Variants in ACBD5 observed in about 807,000 individuals in gnomAD.
ACBD5 encodes the protein acyl-CoA binding domain containing 5, also known as acyl-CoA-binding domain-containing protein 5.
Under a neutral mutation model 71.8 loss-of-function variants are expected in ACBD5, and 40 were observed. The observed-to-expected ratio is 0.56, with a 90% confidence interval of 0.43 to 0.72. The LOEUF (loss-of-function observed/expected upper bound fraction) is 0.72. Among genes scored for constraint, ACBD5 ranks in the 30% least tolerant of loss-of-function variants. The probability of loss-of-function intolerance (pLI) is 0.00; values close to 1 mark genes in which losing one functional copy is unlikely to be tolerated. For missense variants in ACBD5, 559 were observed against 644.5 expected (o/e 0.87, Z 1.44); for synonymous variants, 229 against 218.6 (o/e 1.05, Z -0.42).
At chr10:27,210,258 A>T (rs1254823013) in intron 9 of ACBD5, among the ~76,000 whole-genome samples, 1 of 152,236 alleles carries the variant, frequency 6.6e-6, no homozygotes, top group East Asian at 1.9e-4. Context: ...CCACTGCAGC[A>T]GAATTCCCAT....
intron 5 of ACBD5, 89 bp from the exon 6 acceptor site, chr10:27,219,946 A>T: frequency 8.4e-7 from 1 of 1,186,740 alleles, no homozygotes; most frequent in Non-Finnish European, 1.2e-6. Flanking sequence ...TTTACAAATA[A>T]CTAATAAAAT....
rs757986015 is a variant in ACBD5, at chr10:27,186,427, A to G, written c.1494-3712T>C. The G allele has an allele frequency of 5.0e-6, 8 of 1,614,192 alleles. No homozygotes were observed. In the Admixed American group the frequency reaches 1.2e-4, roughly 24 times the overall value. ...AGTGATGTGGACTGGGAAAATCTGC[A>G]GCATCAGACTATGCCTTTCATCCCC... On this transcript the variant is annotated intron_variant, in intron 13 of 13. Transcript: ENST00000676511.
At position 27,208,323 on chromosome 10, in the gene ACBD5, C is replaced by T. The variant is rs1056013477; in HGVS notation, c.1327G>A (p.Val443Met). 16 of 1,614,056 alleles carry T rather than the reference C, an allele frequency of 9.9e-6. No homozygotes were observed. The highest frequency in any genetic ancestry group is 3.3e-5 in the Admixed American group (2 of 59,990). The change falls in exon 10 of 13, where the codon GTG (valine) becomes ATG (methionine). Residue 443 changes from valine (V) to methionine (M), a missense_variant. Val to Met is a conservative substitution (Grantham distance 21, BLOSUM62 1). Transcript: ENST00000396271. Reference protein sequence around the residue: ...RGSLNEQIALVLMRLQEDMQN... With the variant: ...RGSLNEQIALMLMRLQEDMQN... The stretch of plus-strand genomic sequence containing the variant: ...ATGTCCTCCTGCAGTCTCATCAGCA[C>T]GAGGGCGATCTGCTCATTGAGGCTG...
intron 13 of ACBD5, among the ~76,000 whole-genome samples, chr10:27,184,065 A>G (rs1313530025): frequency 6.6e-6 from 1 of 152,148 alleles, no homozygotes; most frequent in East Asian, 1.9e-4. Flanking sequence ...TCTAGGAGCT[A>G]GGTGATATTG....
chr10:27,184,629 C>T (rs770160120), intron 13 of ACBD5, among the ~76,000 whole-genome samples: 2 of 125,610 alleles, frequency 1.6e-5, no homozygotes, highest in Admixed American at 1.1e-4. Context: ...GGCATGATCT[C>T]GGCTCACTGC....
intron 12 of ACBD5, among the ~76,000 whole-genome samples, chr10:27,201,001 CA>C: frequency 1.4e-5 from 2 of 146,352 alleles, no homozygotes; most frequent in Non-Finnish European, 3.0e-5. Flanking sequence ...GTGAGACCCC[CA>C]TCTCAACAAA....
At chr10:27,184,003 C>T (rs184121748) in intron 13 of ACBD5, among the ~76,000 whole-genome samples, 1 of 152,282 alleles carries the variant, frequency 6.6e-6, no homozygotes, top group Admixed American at 6.5e-5. Context: ...TGAGCCACCA[C>T]GCCTGGCCCA....
intron 5 of ACBD5, among the ~76,000 whole-genome samples, chr10:27,221,641 C>A (rs1053425992): frequency 6.6e-6 from 1 of 151,738 alleles, no homozygotes; most frequent in Non-Finnish European, 1.5e-5. Context: ...TGGCAGGGTA[C>A]AATTGCTCAT....
chr10:27,217,054 G>A (rs2061711246), intron 7 of ACBD5, among the ~76,000 whole-genome samples: 1 of 147,014 alleles, frequency 6.8e-6, no homozygotes, highest in African/African-American at 2.5e-5. Context: ...GCTGAGGCAG[G>A]AGAATGGCGT....
chr10:27,193,322 A>C (rs2059162016), downstream of ACBD5: 1 of 151,762 alleles, frequency 6.6e-6, no homozygotes. Flanking sequence ...CCAGCTTGAG[A>C]GGCTGAGGCA....
chr10:27,240,547 C>G lies in ACBD5; in HGVS notation c.16-63G>C. 6.5e-7 allele frequency: 1 copy of G among 1,550,238 alleles called. No homozygotes were observed. The highest frequency in any genetic ancestry group is 1.2e-5 in the South Asian group (1 of 84,542). ...AAAAGGAGGAGGCCCGGGAGCGAAG[C>G]GGGTCAGTTCCCCTTTGCCCTGCCC... On this transcript the variant is annotated intron_variant, in intron 1 of 12. Transcript: ENST00000396271. The surrounding 1 kb of genome is among the most constrained non-coding windows in gnomAD (Gnocchi z 4.1).
At chr10:27,213,462 AAAAC>A (rs538388305) in intron 8 of ACBD5, among the ~76,000 whole-genome samples, 222 of 152,306 alleles carry the variant, frequency 1.5e-3, no homozygotes, top group African/African-American at 5.1e-3. Context: ...AGTTTCTTAA[AAAAC>A]AAACAAACAA....
At chr10:27,212,899 T>C (rs1042621154) in intron 8 of ACBD5, among the ~76,000 whole-genome samples, 2 of 152,176 alleles carry the variant, frequency 1.3e-5, no homozygotes, top group Non-Finnish European at 2.9e-5. Context: ...TTTATTCATG[T>C]GTTTTTAAAA....
rs80099910 is a variant in ACBD5 at position 27,198,511 on chromosome 10, T to C, written c.1566-1069A>G. Among the ~76,000 whole-genome samples the C allele has an allele frequency of 5.0e-4, 76 of 152,298 alleles. No individual in the cohort carries two copies. The East Asian group carries it at 0.01, about 21-fold the overall frequency. On this transcript the variant is annotated intron_variant, in intron 12 of 12. Coordinates refer to ENST00000396271, the MANE Select transcript of ACBD5 (RefSeq NM_145698.5). Reference sequence around the variant, plus strand: ...TTGGCAGGAGTGATATTTTAAACAATCAGATCATTCCTTATCCTCTGCAGA... The same window carrying C: ...TTGGCAGGAGTGATATTTTAAACAACCAGATCATTCCTTATCCTCTGCAGA...
intron 9 of ACBD5, 94 bp from the exon 10 acceptor site, chr10:27,208,539 C>G: frequency 6.9e-7 from 1 of 1,440,756 alleles, no homozygotes; most frequent in Non-Finnish European, 9.6e-7. Flanking sequence ...TCTTTGAGAT[C>G]TAAATCTCCA....
chr10:27,196,455 G>A lies in ACBD5; in HGVS notation c.*975C>T, dbSNP rs546908383. On this transcript the variant is annotated 3_prime_UTR_variant, in exon 13 of 13. Transcript: ENST00000396271. ...CCTCCAGTACTCCTGTGAAGTAGGT[G>A]TATCTAAAATAGTATACCCCGAAGG... is the stretch of plus-strand genomic sequence containing the variant. 1 of 454,444 alleles carries A rather than the reference G, an allele frequency of 2.2e-6. No homozygotes were observed. The highest frequency in any genetic ancestry group is 2.4e-5 in the Admixed American group (1 of 42,544). The allele number at this position is 454,444 out of a possible 1,614,324, so 28.2% of individuals were successfully genotyped here. A position where few individuals can be genotyped will look rare whatever the true frequency, so the allele number is the denominator to read the frequency against.
intron 8 of ACBD5, among the ~76,000 whole-genome samples, chr10:27,211,744 T>A (rs1192597288): frequency 6.6e-6 from 1 of 152,150 alleles, no homozygotes; most frequent in Non-Finnish European, 1.5e-5. Flanking sequence ...AGTAAAGGAA[T>A]AAAGAATGGC....
rs1356310891 is a variant in ACBD5, at chr10:27,196,278, T to C, written c.*1152A>G. Reference sequence around the variant, plus strand: ...AAGGTACATCTAAGTGAGCAGGAAGTTTTGGAAGGCATACAGGAAAAGTCT... The same window carrying C: ...AAGGTACATCTAAGTGAGCAGGAAGCTTTGGAAGGCATACAGGAAAAGTCT... On this transcript the variant is annotated 3_prime_UTR_variant, in exon 13 of 13. Coordinates refer to ENST00000396271, the MANE Select transcript of ACBD5 (RefSeq NM_145698.5). 2 of 453,996 alleles carry C rather than the reference T, an allele frequency of 4.4e-6. No individual in the cohort carries two copies. Among genetic ancestry groups the C allele is most frequent in the South Asian group, 3.1e-5 (2 of 64,472 alleles). 28.1% of individuals were successfully genotyped at this position (453,996 alleles called of 1,614,324 possible). A position where few individuals can be genotyped will look rare whatever the true frequency, so the allele number is the denominator to read the frequency against.
chr10:27,240,799 T>C, upstream of ACBD5: 1 of 1,485,292 alleles, frequency 6.7e-7, no homozygotes, highest in African/African-American at 1.4e-5. The surrounding 1 kb of genome is among the most constrained non-coding windows in gnomAD (Gnocchi z 4.1). Flanking sequence ...AGTCCGTCTG[T>C]CAGTCCGTGC....
Sources: allele counts gnomAD v4.1 joint callset (sites outside exome capture counted in the v4.1 genomes callset), GRCh38; gene constraint gnomAD v4.1.1; non-coding constraint Gnocchi (gnomAD v3.1); transcripts MANE v1.5; gene names NCBI Gene and HGNC (gene_info 2026-07-23, HGNC 2026-07-21).